TUFT1: variants seen among roughly 807,000 people sequenced by gnomAD.
TUFT1 encodes tuftelin.
Under a neutral mutation model 57.8 loss-of-function variants are expected in TUFT1, and 43 were observed. That is an observed-to-expected ratio of 0.74 (90% CI 0.58 to 0.96). The LOEUF (loss-of-function observed/expected upper bound fraction) is 0.96. Ranked by LOEUF, TUFT1 falls within the 40% of genes least tolerant of loss-of-function variation. The pLI is 0.00. For missense variants in TUFT1, 459 were observed against 489.0 expected (o/e 0.94, Z 0.58); for synonymous variants, 166 against 176.7 (o/e 0.94, Z 0.48).
chr1:151,541,225 G>C (rs1374781206), intron 1 of TUFT1, among the ~76,000 whole-genome samples: 2 of 152,146 alleles, frequency 1.3e-5, no homozygotes, highest in African/African-American at 4.8e-5. Context: ...TGACCCAAGC[G>C]AAGGCTTCTG....
At chr1:151,571,099 ATG>A (rs1480304449) in intron 7 of TUFT1, among the ~76,000 whole-genome samples, 1 of 152,216 alleles carries the variant, frequency 6.6e-6, no homozygotes, top group Non-Finnish European at 1.5e-5. Flanking sequence ...TGTTATAAAT[ATG>A]TTATGATAGG....
At chr1:151,564,089 C>CT (rs1214431421) in intron 4 of TUFT1, 99 bp downstream of exon 4, 27 of 956,314 alleles carry the variant, frequency 2.8e-5, no homozygotes, top group Non-Finnish European at 4.3e-5. Context: ...TTTTCCCCTT[C>CT]TTTTTCCTTT....
intron 1 of TUFT1, chr1:151,561,611 G>C (rs1293880318): frequency 1.7e-6 from 2 of 1,186,530 alleles, no homozygotes; most frequent in African/African-American, 3.2e-5. Flanking sequence ...ATTTCCATGT[G>C]GCTCATAGAA....
At chr1:151,562,388 G>A (rs150291986) in intron 2 of TUFT1, 197 bp from the exon 3 acceptor site, 4 of 638,388 alleles carry the variant, frequency 6.3e-6, no homozygotes, top group Non-Finnish European at 1.1e-5. Flanking sequence ...CATTCTCCCT[G>A]GCCGGTGTTC....
intron 1 of TUFT1, among the ~76,000 whole-genome samples, chr1:151,558,832 G>A (rs1387637293): frequency 6.6e-6 from 1 of 150,794 alleles, no homozygotes; most frequent in Non-Finnish European, 1.5e-5. Context: ...TTGCCCAGGC[G>A]GGAGTGCAGT....
chr1:151,550,950 T>C (rs1256894477), intron 1 of TUFT1, among the ~76,000 whole-genome samples: 1 of 152,176 alleles, frequency 6.6e-6, no homozygotes, highest in Non-Finnish European at 1.5e-5. Context: ...AATTTAAAAA[T>C]TTGTTTTCTT....
At chr1:151,574,596 T>G (rs1345980263) in intron 8 of TUFT1, among the ~76,000 whole-genome samples, 198 bp downstream of exon 8, 10 of 152,230 alleles carry the variant, frequency 6.6e-5, no homozygotes, top group Non-Finnish European at 1.3e-4. Context: ...GTTGATCCTA[T>G]TTCCACATTA....
intron 1 of TUFT1, among the ~76,000 whole-genome samples, chr1:151,541,578 C>T (rs1411174519): frequency 6.6e-6 from 1 of 152,192 alleles, no homozygotes; most frequent in Non-Finnish European, 1.5e-5. Flanking sequence ...GTAGAGCTAA[C>T]CCAACTGCAG....
intron 7 of TUFT1, among the ~76,000 whole-genome samples, chr1:151,570,676 A>G (rs76012771): frequency 0.011 from 1,736 of 152,132 alleles, 31 homozygotes; most frequent in African/African-American, 0.04. Context: ...TTTTCTAGAA[A>G]ATTCTTTGAG....
chr1:151,582,021 T>G lies in TUFT1; in HGVS notation c.*314T>G. ...CTCCCTTCTGTTGTAGACTGGACTC[T>G]GGCTGTGCCATAAGCCAGGCCTTCA... On this transcript the variant is annotated 3_prime_UTR_variant, in exon 13 of 13. Coordinates refer to ENST00000368849, the MANE Select transcript of TUFT1 (RefSeq NM_020127.3). 1.7e-6 allele frequency: 1 copy of G among 573,194 alleles called. No homozygotes were observed. Among genetic ancestry groups the G allele is most frequent in the Non-Finnish European group, 3.3e-6 (1 of 304,028 alleles). 35.5% of individuals were successfully genotyped at this position (573,194 alleles called of 1,614,324 possible).
At chr1:151,562,478 G>C in intron 2 of TUFT1, 107 bp from the exon 3 acceptor site, 1 of 992,924 alleles carries the variant, frequency 1.0e-6, no homozygotes, top group Non-Finnish European at 1.5e-6. Context: ...CAAGTCTTTT[G>C]AGAAACAGGT....
In TUFT1 at chr1:151,582,368, A is replaced by G; in HGVS notation, c.*661A>G. On this transcript the variant is annotated 3_prime_UTR_variant, in exon 13 of 13. Transcript: ENST00000368849. ...TTTTGCGGAAAAATTCTCTAGGGCT[A>G]CAGACAGTCATGTGTGACTTCTCTC... 1 of 372,208 alleles carries G rather than the reference A, an allele frequency of 2.7e-6. No individual in the cohort carries two copies. Among genetic ancestry groups the G allele is most frequent in the Non-Finnish European group, 5.3e-6 (1 of 188,244 alleles). 23.1% of individuals were successfully genotyped at this position (372,208 alleles called of 1,614,324 possible). A position where few individuals can be genotyped will look rare whatever the true frequency, so the allele number is the denominator to read the frequency against.
At chr1:151,571,257 T>C (rs1238485537) in intron 7 of TUFT1, among the ~76,000 whole-genome samples, 1 of 152,228 alleles carries the variant, frequency 6.6e-6, no homozygotes, top group Non-Finnish European at 1.5e-5. Context: ...AAACTGCTTC[T>C]ATGTTAGCCG....
rs1665393280 is a variant in TUFT1, at chr1:151,548,015, G to A, written c.60+7589G>A. Among the ~76,000 whole-genome samples, 9 of 152,210 alleles carry A rather than the reference G, an allele frequency of 5.9e-5. No individual in the cohort carries two copies. In the South Asian group the frequency reaches 1.9e-3, roughly 32 times the overall value. ...GCAGCCACATAAAAATCAAACACCTGTTTTGTTGGCTAATCTGGGGAGGAA... is the reference window on the plus strand; with the variant it reads ...GCAGCCACATAAAAATCAAACACCTATTTTGTTGGCTAATCTGGGGAGGAA... On this transcript the variant is annotated intron_variant, in intron 1 of 12. Coordinates refer to ENST00000368849, the MANE Select transcript of TUFT1 (RefSeq NM_020127.3).
At chr1:151,552,025 C>T (rs1041173339) in intron 1 of TUFT1, among the ~76,000 whole-genome samples, 2 of 152,152 alleles carry the variant, frequency 1.3e-5, no homozygotes, top group Non-Finnish European at 2.9e-5. Context: ...ACCTCCACCT[C>T]AAGGGTAACC....
In TUFT1 at chr1:151,569,835, A is replaced by G. The variant is rs1192753650; in HGVS notation, c.594+65A>G. 3 of 1,304,896 alleles carry G rather than the reference A, an allele frequency of 2.3e-6. No homozygotes were observed. The African/African-American group carries it at 4.4e-5, about 19-fold the overall frequency. The allele number at this position is 1,304,896 out of a possible 1,614,324, so 80.8% of individuals were successfully genotyped here. A position where few individuals can be genotyped will look rare whatever the true frequency, so the allele number is the denominator to read the frequency against. On this transcript the variant is annotated intron_variant, in intron 7 of 12. Transcript: ENST00000368849. ...GGGCTACTGAACACAGGTGCCAGTG[A>G]TGTCTCAGCTTGGACTTCCTGTCTT...
chr1:151,574,275 A>G lies in TUFT1; in HGVS notation c.600A>G (p.Thr200=). The G allele has an allele frequency of 6.2e-7, 1 of 1,613,830 alleles. No individual in the cohort carries two copies. Among genetic ancestry groups the G allele is most frequent in the East Asian group, 2.2e-5 (1 of 44,874 alleles). The change falls in exon 8 of 13, where the codon ACA becomes ACG. Residue 200 remains threonine, a synonymous_variant. Coordinates refer to ENST00000368849, the MANE Select transcript of TUFT1 (RefSeq NM_020127.3). ...ATTCCTGCTCCGTGTTTTAGGTCAC[A>G]CTCAGCCGGTACCAGAGGGAAGCAG... The part of the protein sequence containing the change: ...HQSDCVAFEV[T]LSRYQREAEQ...
chr1:151,566,482 G>C (rs983818794), intron 6 of TUFT1, among the ~76,000 whole-genome samples: 4 of 152,164 alleles, frequency 2.6e-5, no homozygotes, highest in African/African-American at 9.7e-5. Context: ...CTCAGCCTCA[G>C]CTGTTCATTG....
intron 1 of TUFT1, among the ~76,000 whole-genome samples, chr1:151,551,068 T>TC (rs1447079027): frequency 3.3e-5 from 5 of 152,218 alleles, no homozygotes; most frequent in Admixed American, 3.3e-4. Context: ...TGTAATGAAA[T>TC]CCCCCCAAAA....
Sources: allele counts gnomAD v4.1 joint callset (sites outside exome capture counted in the v4.1 genomes callset), GRCh38; gene constraint gnomAD v4.1.1; transcripts MANE v1.5; gene names NCBI Gene and HGNC (gene_info 2026-07-23, HGNC 2026-07-21).